CACNG8: variants seen among roughly 807,000 people sequenced by gnomAD.
CACNG8 encodes voltage-dependent calcium channel gamma-8 subunit.
Under a neutral mutation model 26.9 loss-of-function variants are expected in CACNG8, and 5 were observed. That is an observed-to-expected ratio of 0.19 (90% CI 0.10 to 0.39). CACNG8 has a LOEUF of 0.39. Ranked by LOEUF, CACNG8 falls within the 10% of genes least tolerant of loss-of-function variation. CACNG8 has a pLI of 1.00. For synonymous variants in CACNG8, 321 were observed against 296.7 expected, an observed-to-expected ratio of 1.08 and a Z score of -0.84; for missense variants, 473 against 609.4, an observed-to-expected ratio of 0.78 and a Z score of 2.36.
intron 1 of CACNG8, among the ~76,000 whole-genome samples, chr19:53,969,557 G>T (rs76451984): frequency 0.039 from 6,003 of 152,006 alleles, 403 homozygotes; most frequent in African/African-American, 0.14. Flanking sequence ...ACCCTGCCCG[G>T]CCCAGCATCT....
rs2069413594 is a variant in CACNG8, at chr19:53,987,294, TC to T, written c.*4447del. On this transcript the variant is annotated 3_prime_UTR_variant, in exon 4 of 4. Transcript: ENST00000270458. ...CGTGTTGGCCAGGCCAATCTGAAAT[TC>T]CTGGCTTCAAATGATCCACCTGCCT... The T allele has an allele frequency of 6.6e-6, 1 of 152,164 alleles. No homozygotes were observed. The highest frequency in any genetic ancestry group is 2.4e-5 in the African/African-American group (1 of 41,428). 9.4% of individuals were successfully genotyped at this position (152,164 alleles called of 1,614,324 possible).
chr19:53,976,681 TTTTTC>T (rs1245260418), intron 1 of CACNG8, among the ~76,000 whole-genome samples: 1 of 152,134 alleles, frequency 6.6e-6, no homozygotes, highest in Non-Finnish European at 1.5e-5. Context: ...CTCTCTTTTT[TTTTTC>T]TTTTGAGACG....
chr19:53,978,222 T>A lies in CACNG8; in HGVS notation c.360T>A (p.Tyr120Ter), dbSNP rs2069341665. 1 of 1,611,588 alleles carries A rather than the reference T, an allele frequency of 6.2e-7. No homozygotes were observed. Among genetic ancestry groups the A allele is most frequent in the Non-Finnish European group, 8.5e-7 (1 of 1,178,914 alleles). Residue 120 changes from tyrosine to a stop codon, truncating the protein, a stop_gained, in exon 2 of 4, where the codon TAT becomes TAA. Coordinates refer to ENST00000270458, the MANE Select transcript of CACNG8 (RefSeq NM_031895.6). LOFTEE classifies it high-confidence loss of function. ...ACTACGACCACGACAGCGCGGAGTA[T>A]CTACTCCGTACGTGGGGGTCCGGGA...
chr19:53,980,124 C>A, intron 3 of CACNG8, 117 bp downstream of exon 3: 1 of 1,176,788 alleles, frequency 8.5e-7, no homozygotes, highest in Non-Finnish European at 1.1e-6. Context: ...GTTCGTGTGT[C>A]TGCAAAGCCA....
At position 53,985,181 on chromosome 19, in the gene CACNG8, G is replaced by T. The variant is rs547659514; in HGVS notation, c.*2332G>T. 1 of 152,436 alleles carries T rather than the reference G, an allele frequency of 6.6e-6. No homozygotes were observed. The highest frequency in any genetic ancestry group is 2.4e-5 in the African/African-American group (1 of 41,564). 9.4% of individuals were successfully genotyped at this position (152,436 alleles called of 1,614,324 possible). ...CTCCCCCGAAGCCTTGTGCTGGGCGGTGCTGGGAGTGGAGAGGTGATTTTG... is the reference window on the plus strand; with the variant it reads ...CTCCCCCGAAGCCTTGTGCTGGGCGTTGCTGGGAGTGGAGAGGTGATTTTG... On this transcript the variant is annotated 3_prime_UTR_variant, in exon 4 of 4. Coordinates refer to ENST00000270458, the MANE Select transcript of CACNG8 (RefSeq NM_031895.6).
chr19:53,982,901 C>A lies in CACNG8; in HGVS notation c.*52C>A. On this transcript the variant is annotated 3_prime_UTR_variant, in exon 4 of 4. Transcript: ENST00000270458. This position sits in a 1 kb window ranked among gnomAD's most constrained non-coding sequence, Gnocchi z 8.4. Reference sequence around the variant, plus strand: ...TGTCCGGGGCGCGTGCGCGGGCGCGCGTGCATCGAGGCTGCCGGGGTCGGG... The same window carrying A: ...TGTCCGGGGCGCGTGCGCGGGCGCGAGTGCATCGAGGCTGCCGGGGTCGGG... 8.5e-7 allele frequency: 1 copy of A among 1,181,788 alleles called. No homozygotes were observed. The highest frequency in any genetic ancestry group is 4.0e-5 in the East Asian group (1 of 24,742). 73.2% of individuals were successfully genotyped at this position (1,181,788 alleles called of 1,614,324 possible).
intron 1 of CACNG8, 121 bp downstream of exon 1, chr19:53,963,546 A>AG: frequency 9.7e-7 from 1 of 1,026,560 alleles, no homozygotes. Context: ...CCTCTGCCAG[A>AG]GGGGCTTCTG....
chr19:53,978,287 C>G (rs1249913189), intron 2 of CACNG8, 58 bp downstream of exon 2: 34 of 1,421,868 alleles, frequency 2.4e-5, no homozygotes, highest in Non-Finnish European at 3.3e-5. Flanking sequence ...GCCTGGAAGG[C>G]GTCGGGGTGG....
chr19:53,979,847 C>G lies in CACNG8; in HGVS notation c.368-20C>G, dbSNP rs1400979127. On this transcript the variant is annotated intron_variant, in intron 2 of 3. Coordinates refer to ENST00000270458, the MANE Select transcript of CACNG8 (RefSeq NM_031895.6). Reference sequence around the variant, plus strand: ...ACCGCCCTCGCTCTCCCTCCTTTTCCTTTCCTTCCTCCCCCGCAGGAGTTG... The same window carrying G: ...ACCGCCCTCGCTCTCCCTCCTTTTCGTTTCCTTCCTCCCCCGCAGGAGTTG... 1.3e-6 allele frequency: 2 copies of G among 1,582,664 alleles called. No individual in the cohort carries two copies. Among genetic ancestry groups the G allele is most frequent in the Non-Finnish European group, 1.7e-6 (2 of 1,162,404 alleles).
rs765198697 is a variant in CACNG8, at chr19:53,963,272, T to C, written c.130T>C (p.Trp44Arg). The C allele has an allele frequency of 1.2e-6, 2 of 1,610,290 alleles. No individual in the cohort carries two copies. The highest frequency in any genetic ancestry group is 1.1e-5 in the South Asian group (1 of 91,014). Residue 44 changes from tryptophan to arginine, a missense_variant, in exon 1 of 4, where the codon TGG becomes CGG. Around this residue, in one of 6 missense-constraint regions of CACNG8, gnomAD observed 69 missense variants for 66.7 expected, o/e 1.03. Transcript: ENST00000270458. ...GACCATCGCCATCAGCACTGACTAC[T>C]GGCTCTACACGCGCGCCCTCATCTG...
At chr19:53,963,856 C>T (rs575718684) in intron 1 of CACNG8, among the ~76,000 whole-genome samples, 1 of 138,516 alleles carries the variant, frequency 7.2e-6, no homozygotes, top group Non-Finnish European at 1.5e-5. Context: ...GGCTGGAGTA[C>T]GGTGGCACAA....
chr19:53,982,118 G>T lies in CACNG8; in HGVS notation c.547G>T (p.Ala183Ser), dbSNP rs986603776. The change falls in exon 4 of 4, where the codon GCC (alanine) becomes TCC (serine). Residue 183 changes from alanine (A) to serine (S), a missense_variant. Physicochemically the swap from Ala to Ser is moderately conservative, Grantham distance 99. Around this residue, in one of 6 missense-constraint regions of CACNG8, gnomAD observed 155 missense variants for 253.0 expected, o/e 0.61. Transcript: ENST00000270458. This position sits in a 1 kb window ranked among gnomAD's most constrained non-coding sequence, Gnocchi z 8.4. ...CATCGGCGTGATCGTGTACATCTCC[G>T]CCAACGCGGGCGAGCCGGGCCCGAA... is the stretch of plus-strand genomic sequence containing the variant. The T allele has an allele frequency of 3.7e-6, 6 of 1,605,662 alleles. No individual in the cohort carries two copies. The African/African-American group carries it at 6.7e-5, about 18-fold the overall frequency.
In CACNG8 at chr19:53,984,268, G is replaced by C. The variant is rs572366001; in HGVS notation, c.*1419G>C. 2.6e-5 allele frequency: 4 copies of C among 152,198 alleles called. No individual in the cohort carries two copies. Among genetic ancestry groups the C allele is most frequent in the Admixed American group, 2.6e-4 (4 of 15,280 alleles). The allele number at this position is 152,198 out of a possible 1,614,324, so 9.4% of individuals were successfully genotyped here. On this transcript the variant is annotated 3_prime_UTR_variant, in exon 4 of 4. Transcript: ENST00000270458. ...GTGTGTTAGGATCCAGATCCCCAGG[G>C]GTGAAACAGACTCTAGCCCTGCTCT... is the stretch of plus-strand genomic sequence containing the variant.
At position 53,982,531 on chromosome 19, in the gene CACNG8, G is replaced by A. The variant is rs1279948458; in HGVS notation, c.960G>A (p.Ala320=). The A allele has an allele frequency of 8.0e-7, 1 of 1,251,108 alleles. No individual in the cohort carries two copies. 77.5% of individuals were successfully genotyped at this position (1,251,108 alleles called of 1,614,324 possible). Residue 320 remains alanine, a synonymous_variant, in exon 4 of 4, where the codon GCG becomes GCA. Transcript: ENST00000270458. The surrounding 1 kb of genome is among the most constrained non-coding windows in gnomAD (Gnocchi z 8.4). ...ACCCCTCCAAGGGCAGCGTGGCCGC[G>A]GGGCTGGCGGGGGCCGGCGGCGGCG...
In CACNG8 at chr19:53,974,098, G is replaced by A. The variant is rs1184514009; in HGVS notation, c.284-4048G>A. 6.6e-5 allele frequency among the ~76,000 whole-genome samples: 10 copies of A among 151,292 alleles called. 1 individual carries two copies. The highest frequency in any genetic ancestry group is 2.0e-4 in the Admixed American group (3 of 15,174). ...CTTGCAAAATGGAAACTCAGTACCC[G>A]TTAAATAACTCCACATCCCCCCACC... On this transcript the variant is annotated intron_variant, in intron 1 of 3. Coordinates refer to ENST00000270458, the MANE Select transcript of CACNG8 (RefSeq NM_031895.6).
chr19:53,977,456 G>T (rs1330277707), intron 1 of CACNG8, among the ~76,000 whole-genome samples: 1 of 152,152 alleles, frequency 6.6e-6, no homozygotes, highest in African/African-American at 2.4e-5. Context: ...CATCTTAGGA[G>T]GGGAAGGAGA....
intron 2 of CACNG8, 145 bp downstream of exon 2, chr19:53,978,374 G>A (rs2069342706): frequency 3.2e-6 from 2 of 631,444 alleles, no homozygotes; most frequent in African/African-American, 3.6e-5. Context: ...TCCGAGTCCA[G>A]ATAGTGAGAT....
At chr19:53,964,945 C>G (rs780782261) in intron 1 of CACNG8, among the ~76,000 whole-genome samples, 17 of 152,116 alleles carry the variant, frequency 1.1e-4, no homozygotes, top group Non-Finnish European at 2.5e-4. Context: ...TCTTTTTCAT[C>G]CCCCTCTATT....
intron 2 of CACNG8, 85 bp downstream of exon 2, chr19:53,978,314 C>A: frequency 9.8e-7 from 1 of 1,023,322 alleles, no homozygotes; most frequent in Non-Finnish European, 1.5e-6. Flanking sequence ...GGAAAAGGCA[C>A]TGGGACTCCG....
Sources: gnomAD v4.1 joint callset for allele counts (sites outside exome capture counted in the v4.1 genomes callset) on GRCh38, gnomAD v4.1.1 for gene constraint, gnomAD v4.1.1 regional missense constraint, Gnocchi (gnomAD v3.1) non-coding constraint, MANE v1.5 for transcripts, NCBI Gene and HGNC (gene_info 2026-07-23, HGNC 2026-07-21) for gene names.